The following LRP6 variants were observed in gnomAD, a reference collection of about 807,000 sequenced individuals.
LRP6 encodes the protein LDL receptor related protein 6.
In LRP6, 43 loss-of-function variants were observed where a neutral mutation model predicts 184.1. The ratio of observed to expected loss-of-function variants is 0.23; its 90% CI spans 0.18 to 0.30. The LOEUF is 0.30. Ranked by LOEUF, LRP6 falls within the 10% of genes least tolerant of loss-of-function variation. LRP6 has a pLI of 1.00. For synonymous variants in LRP6, 719 were observed against 684.9 expected (o/e 1.05, Z -0.78); for missense variants, 1,571 against 2,005.3 (o/e 0.78, Z 4.14).
intron 16 of LRP6, among the ~76,000 whole-genome samples, chr12:12,135,544 A>G (rs1015108976): frequency 6.7e-6 from 1 of 150,164 alleles, no homozygotes; most frequent in Admixed American, 6.7e-5. Flanking sequence ...CTCAGGCTGG[A>G]GTACAGTGGT....
chr12:12,266,602 TC>T, intron 1 of LRP6, 78 bp downstream of exon 1: 1 of 670,434 alleles, frequency 1.5e-6, no homozygotes, highest in Non-Finnish European at 2.4e-6. Flanking sequence ...CCTCCGTCCC[TC>T]CCCTCCCCCT....
intron 2 of LRP6, among the ~76,000 whole-genome samples, chr12:12,237,168 T>G (rs1851246010): frequency 6.6e-6 from 1 of 152,128 alleles, no homozygotes; most frequent in Non-Finnish European, 1.5e-5. Context: ...AGACCAAATA[T>G]TAGAACAAAA....
intron 7 of LRP6, among the ~76,000 whole-genome samples, chr12:12,175,675 A>G (rs904938122): frequency 6.6e-6 from 1 of 151,352 alleles, no homozygotes; most frequent in African/African-American, 2.4e-5. Context: ...TGGACGACAG[A>G]GCGAGACTCC....
intron 2 of LRP6, among the ~76,000 whole-genome samples, chr12:12,240,909 T>C (rs1296184347): frequency 2.0e-5 from 3 of 152,202 alleles, no homozygotes; most frequent in East Asian, 1.9e-4. Context: ...TGGTTGTTCA[T>C]TTCTCTAACA....
At chr12:12,233,399 C>T (rs745563963) in intron 2 of LRP6, among the ~76,000 whole-genome samples, 63 of 152,206 alleles carry the variant, frequency 4.1e-4, no homozygotes, top group African/African-American at 1.4e-3. Flanking sequence ...ACCCGGGAGG[C>T]GGAGGTTGCA....
chr12:12,257,093 C>T (rs1366081612), intron 1 of LRP6, among the ~76,000 whole-genome samples: 6 of 151,916 alleles, frequency 3.9e-5, no homozygotes, highest in Non-Finnish European at 1.5e-5. Context: ...TTCATGGTTA[C>T]CAGAGGCTGA....
At chr12:12,186,674 TTTG>T in intron 4 of LRP6, 2 of 408,352 alleles carry the variant, frequency 4.9e-6, no homozygotes, top group South Asian at 2.9e-5. Flanking sequence ...TTTTTTTTTT[TTTG>T]AGACACAGTC....
intron 3 of LRP6, among the ~76,000 whole-genome samples, chr12:12,200,142 G>C (rs12310423): frequency 6.6e-6 from 1 of 152,142 alleles, no homozygotes; most frequent in African/African-American, 2.4e-5. Context: ...CAAACTTGCA[G>C]AGTAGCTGGG....
chr12:12,200,832 C>T (rs570564693), intron 3 of LRP6, among the ~76,000 whole-genome samples: 10 of 152,328 alleles, frequency 6.6e-5, no homozygotes, highest in South Asian at 2.1e-4. Flanking sequence ...CCTGCTTCCA[C>T]GTCATTTATA....
Position 12,121,057 on chromosome 12 carries a change from CT to C in LRP6, c.*68del. On this transcript the variant is annotated 3_prime_UTR_variant, in exon 23 of 23. Transcript: ENST00000261349. ...CCTTCTCTAATAGCTCCCTCCCCCCCTCCAGATCTCAACCAAATTTATATTT... is the reference window on the plus strand; with the variant it reads ...CCTTCTCTAATAGCTCCCTCCCCCCCCCAGATCTCAACCAAATTTATATTT... 7.0e-7 allele frequency: 1 copy of C among 1,425,718 alleles called. No homozygotes were observed. Among genetic ancestry groups the C allele is most frequent in the South Asian group, 1.4e-5 (1 of 69,874 alleles). The allele number at this position is 1,425,718 out of a possible 1,614,324, so 88.3% of individuals were successfully genotyped here.
chr12:12,249,277 A>C lies in LRP6; in HGVS notation c.56-4622T>G. ...TAATATGAATGGAGTTAATAGTTCTAATGGATTGGTGGACCCAAGAGCCAT... is the reference window on the plus strand; with the variant it reads ...TAATATGAATGGAGTTAATAGTTCTCATGGATTGGTGGACCCAAGAGCCAT... On this transcript the variant is annotated intron_variant, in intron 1 of 22. Coordinates refer to ENST00000261349, the MANE Select transcript of LRP6 (RefSeq NM_002336.3). The C allele has an allele frequency of 7.7e-6, 8 of 1,043,188 alleles. No homozygotes were observed. In the South Asian group the frequency reaches 9.1e-5, roughly 12 times the overall value. 64.6% of individuals were successfully genotyped at this position (1,043,188 alleles called of 1,614,324 possible). A position where few individuals can be genotyped will look rare whatever the true frequency, so the allele number is the denominator to read the frequency against.
At chr12:12,246,820 A>C (rs1865198450) in intron 1 of LRP6, among the ~76,000 whole-genome samples, 1 of 152,198 alleles carries the variant, frequency 6.6e-6, no homozygotes, top group South Asian at 2.1e-4. Context: ...AATTACTCCA[A>C]TCTCAAAAAA....
chr12:12,140,605 CTTTT>C (rs145009698), intron 15 of LRP6, among the ~76,000 whole-genome samples: 5 of 137,986 alleles, frequency 3.6e-5, no homozygotes, highest in South Asian at 2.4e-4. Flanking sequence ...TTTTAAAAAT[CTTTT>C]TTTTTTTTTT....
At chr12:12,172,861 C>T (rs911360065) in intron 7 of LRP6, among the ~76,000 whole-genome samples, 2 of 152,096 alleles carry the variant, frequency 1.3e-5, no homozygotes, top group African/African-American at 4.8e-5. Context: ...AAAGGGACAC[C>T]ACACACCTGT....
intron 1 of LRP6, among the ~76,000 whole-genome samples, chr12:12,265,962 C>G (rs923743939): frequency 1.3e-5 from 2 of 151,922 alleles, no homozygotes; most frequent in African/African-American, 4.8e-5. Context: ...CCTCTTCACA[C>G]GAGGATGAAT....
chr12:12,201,584 T>C lies in LRP6; in HGVS notation c.647+1619A>G, dbSNP rs535554976. Among the ~76,000 whole-genome samples the C allele has an allele frequency of 2.6e-5, 4 of 152,306 alleles. No homozygotes were observed. In the East Asian group the frequency reaches 7.7e-4, roughly 29 times the overall value. On this transcript the variant is annotated intron_variant, in intron 3 of 22. Coordinates refer to ENST00000261349, the MANE Select transcript of LRP6 (RefSeq NM_002336.3). ...AACATGGAGGTCTTGTGGCTGTTGG[T>C]GGTTTGCCCTTATCTAGTTGTGCTT...
chr12:12,194,919 A>G (rs895813557), intron 3 of LRP6, among the ~76,000 whole-genome samples: 1 of 151,922 alleles, frequency 6.6e-6, no homozygotes, highest in African/African-American at 2.4e-5. Context: ...CAAGATCAAC[A>G]TTTACCTTCC....
At chr12:12,175,722 AAAATAAAAT>A (rs1488841025) in intron 7 of LRP6, among the ~76,000 whole-genome samples, 2 of 149,890 alleles carry the variant, frequency 1.3e-5, no homozygotes, top group Middle Eastern at 3.4e-3. Context: ...AAAATAAAAT[AAAATAAAAT>A]AAATAAATAA....
chr12:12,208,354 A>G (rs1201842506), intron 2 of LRP6, among the ~76,000 whole-genome samples: 4 of 152,230 alleles, frequency 2.6e-5, no homozygotes, highest in South Asian at 2.1e-4. Context: ...ATCAAAGCCC[A>G]TTTAACAATC....
Sources: allele counts gnomAD v4.1 joint callset (sites outside exome capture counted in the v4.1 genomes callset), GRCh38; gene constraint gnomAD v4.1.1; transcripts MANE v1.5; gene names NCBI Gene and HGNC (gene_info 2026-07-23, HGNC 2026-07-21).